Variants in HCN1 observed in about 807,000 individuals in gnomAD.
The protein encoded by HCN1 is potassium/sodium hyperpolarization-activated cyclic nucleotide-gated channel 1.
Under a neutral mutation model 78.9 loss-of-function variants are expected in HCN1, and 13 were observed. That is an observed-to-expected ratio of 0.16 (90% CI 0.11 to 0.26). The LOEUF (loss-of-function observed/expected upper bound fraction) is 0.26, where lower values mean the gene tolerates loss of function less well. Among genes scored for constraint, HCN1 ranks in the 10% least tolerant of loss-of-function variants. The probability of loss-of-function intolerance (pLI) is 1.00; values close to 1 mark genes in which losing one functional copy is unlikely to be tolerated. For missense variants in HCN1, 810 were observed against 1,154.3 expected, an observed-to-expected ratio of 0.70 and a Z score of 4.32; for synonymous variants, 552 against 455.5, an observed-to-expected ratio of 1.21 and a Z score of -2.70.
At chr5:45,493,152 T>G (rs551019121) in intron 2 of HCN1, among the ~76,000 whole-genome samples, 5 of 152,240 alleles carry the variant, frequency 3.3e-5, no homozygotes, top group Admixed American at 3.3e-4. Flanking sequence ...CAAAAACTAC[T>G]GAGTTTTTGC....
chr5:45,630,970 A>G (rs1745260722), intron 2 of HCN1, among the ~76,000 whole-genome samples: 1 of 152,200 alleles, frequency 6.6e-6, no homozygotes, highest in African/African-American at 2.4e-5. Flanking sequence ...AATGGGTCAT[A>G]CAGGAGCTAT....
At chr5:45,604,397 T>C (rs1744684648) in intron 2 of HCN1, among the ~76,000 whole-genome samples, 2 of 151,846 alleles carry the variant, frequency 1.3e-5, no homozygotes, top group Admixed American at 6.6e-5. Flanking sequence ...ATGCCATTAT[T>C]CAACTTTCCA....
intron 5 of HCN1, among the ~76,000 whole-genome samples, chr5:45,327,864 G>A (rs934035438): frequency 2.0e-5 from 3 of 151,484 alleles, no homozygotes; most frequent in African/African-American, 7.3e-5. Flanking sequence ...GAAGAAACTA[G>A]ACCTGCCAAT....
At chr5:45,456,472 A>AT (rs1207385734) in intron 3 of HCN1, among the ~76,000 whole-genome samples, 1 of 152,056 alleles carries the variant, frequency 6.6e-6, no homozygotes, top group Admixed American at 6.6e-5. Flanking sequence ...GTAGAATAGC[A>AT]CTTATCAAAA....
chr5:45,292,758 A>G (rs1293240512), intron 6 of HCN1, among the ~76,000 whole-genome samples: 1 of 151,998 alleles, frequency 6.6e-6, no homozygotes, highest in Non-Finnish European at 1.5e-5. Context: ...AAAGAAGAAG[A>G]AATAAAGATT....
chr5:45,396,120 A>G (rs1440475201), intron 4 of HCN1, among the ~76,000 whole-genome samples: 1 of 152,162 alleles, frequency 6.6e-6, no homozygotes, highest in Non-Finnish European at 1.5e-5. Context: ...GCCTGTCTCC[A>G]CTTAATCAGC....
rs1358494807 is a variant in HCN1 at position 45,258,895 on chromosome 5, C to A, written c.*3026G>T. 7 of 151,806 alleles carry A rather than the reference C, an allele frequency of 4.6e-5. No homozygotes were observed. Among genetic ancestry groups the A allele is most frequent in the African/African-American group, 1.5e-4 (6 of 41,374 alleles). 9.4% of individuals were successfully genotyped at this position (151,806 alleles called of 1,614,324 possible). ...AGGTTTGTATAAATATATTACAGGA[C>A]AATTATTTACCATTATTACAGGAAA... On this transcript the variant is annotated 3_prime_UTR_variant, in exon 8 of 8. Coordinates refer to ENST00000303230, the MANE Select transcript of HCN1 (RefSeq NM_021072.4).
chr5:45,567,911 TACACACACACAC>T (rs10601970), intron 2 of HCN1, among the ~76,000 whole-genome samples: 11 of 144,716 alleles, frequency 7.6e-5, no homozygotes, highest in African/African-American at 2.3e-4. Flanking sequence ...ATATGTGAAG[TACACACACACAC>T]ACACACACAC....
chr5:45,502,528 T>C (rs776535629), intron 2 of HCN1, among the ~76,000 whole-genome samples: 2 of 152,320 alleles, frequency 1.3e-5, no homozygotes, highest in East Asian at 1.9e-4. Context: ...TCACTAGCCA[T>C]GTACAAGTTA....
intron 2 of HCN1, among the ~76,000 whole-genome samples, chr5:45,496,732 C>A (rs1164944548): frequency 2.0e-5 from 3 of 152,014 alleles, no homozygotes; most frequent in African/African-American, 7.3e-5. Flanking sequence ...TTAGTTATTT[C>A]TTGCCTTCTG....
At chr5:45,318,587 TAAAAA>T (rs1746052356) in intron 5 of HCN1, among the ~76,000 whole-genome samples, 1 of 150,750 alleles carries the variant, frequency 6.6e-6, no homozygotes, top group Non-Finnish European at 1.5e-5. Flanking sequence ...TTTAATAAAA[TAAAAA>T]GAAAAGTATA....
At position 45,333,838 on chromosome 5, in the gene HCN1, G is replaced by A. The variant is rs765282525; in HGVS notation, c.1377+19262C>T. ...TGCACTAATTACATTCCCACCAAACGTGTACAAGGGTTCCCTTTTCTCTAC... is the reference window on the plus strand; with the variant it reads ...TGCACTAATTACATTCCCACCAAACATGTACAAGGGTTCCCTTTTCTCTAC... On this transcript the variant is annotated intron_variant, in intron 5 of 7. Transcript: ENST00000303230. Among the ~76,000 whole-genome samples the A allele has an allele frequency of 3.6e-4, 54 of 151,724 alleles. 1 individual carries two copies. Among genetic ancestry groups the A allele is most frequent in the Non-Finnish European group, 5.5e-4 (37 of 67,840 alleles).
chr5:45,496,003 T>C (rs929944992), intron 2 of HCN1, among the ~76,000 whole-genome samples: 8 of 152,130 alleles, frequency 5.3e-5, no homozygotes, highest in Non-Finnish European at 1.0e-4. Flanking sequence ...TTCGGTTTGC[T>C]AGTATTTTAC....
intron 1 of HCN1, among the ~76,000 whole-genome samples, chr5:45,664,506 C>T (rs569537678): frequency 1.3e-4 from 18 of 143,330 alleles, no homozygotes; most frequent in Non-Finnish European, 2.6e-4. Flanking sequence ...TCAGAGTGAA[C>T]AAGCAACCTA....
intron 1 of HCN1, among the ~76,000 whole-genome samples, chr5:45,670,006 T>C (rs1211609169): frequency 6.6e-6 from 1 of 151,794 alleles, no homozygotes; most frequent in South Asian, 2.1e-4. Context: ...CTTTTCAAGA[T>C]TAGGAAAAAC....
At chr5:45,297,981 T>A (rs1265955712) in intron 6 of HCN1, among the ~76,000 whole-genome samples, 1 of 107,702 alleles carries the variant, frequency 9.3e-6, no homozygotes, top group African/African-American at 4.8e-5. Context: ...ATTAAGAACA[T>A]CTGAAAAAAA....
intron 2 of HCN1, among the ~76,000 whole-genome samples, chr5:45,484,498 G>A (rs1178347600): frequency 2.0e-5 from 3 of 152,002 alleles, no homozygotes. Flanking sequence ...AAGCCCTTTG[G>A]TGCAGACATG....
chr5:45,485,001 T>C (rs907025461), intron 2 of HCN1, among the ~76,000 whole-genome samples: 2 of 152,190 alleles, frequency 1.3e-5, no homozygotes, highest in African/African-American at 4.8e-5. Context: ...CCTGGCCTTT[T>C]GAGCTGTGGC....
intron 2 of HCN1, among the ~76,000 whole-genome samples, chr5:45,535,749 T>G (rs1344242568): frequency 1.3e-5 from 2 of 152,294 alleles, no homozygotes; most frequent in African/African-American, 4.8e-5. Context: ...ATCTTTTCAG[T>G]GATAAAGTTA....
Sources: allele counts gnomAD v4.1 joint callset (sites outside exome capture counted in the v4.1 genomes callset), GRCh38; gene constraint gnomAD v4.1.1; transcripts MANE v1.5; gene names NCBI Gene and HGNC (gene_info 2026-07-23, HGNC 2026-07-21).